NREP: variants seen among roughly 807,000 people sequenced by gnomAD.
The protein encoded by NREP is neuronal regeneration related protein.
Under a neutral mutation model 8.6 loss-of-function variants are expected in NREP, and 5 were observed. The observed-to-expected ratio is 0.58, with a 90% CI of 0.30 to 1.22. NREP has a LOEUF of 1.22. Among genes scored for constraint, NREP ranks in the 50% most tolerant of loss-of-function variants. The pLI, the probability that NREP is intolerant of heterozygous loss-of-function variation, is 0.07. For missense variants in NREP, 86 were observed against 82.5 expected, an observed-to-expected ratio of 1.04 and a Z score of -0.17; for synonymous variants, 27 against 28.0, an observed-to-expected ratio of 0.96 and a Z score of 0.11.
chr5:111,871,182 G>A (rs1310235282), intron 2 of NREP, among the ~76,000 whole-genome samples: 3 of 151,716 alleles, frequency 2.0e-5, no homozygotes, highest in African/African-American at 2.4e-5. Flanking sequence ...CATACACATA[G>A]TATATAGCCC....
At chr5:111,968,350 C>T (rs934833266) in intron 2 of NREP, among the ~76,000 whole-genome samples, 9 of 152,134 alleles carry the variant, frequency 5.9e-5, no homozygotes, top group African/African-American at 2.2e-4. Flanking sequence ...AATTACTCCC[C>T]TATTTCAGAT....
intron 2 of NREP, among the ~76,000 whole-genome samples, chr5:111,881,662 T>C (rs1435086046): frequency 6.6e-6 from 1 of 152,138 alleles, no homozygotes. Flanking sequence ...ACAGCAGCAT[T>C]TGCGGTCCAT....
intron 2 of NREP, among the ~76,000 whole-genome samples, chr5:111,744,805 G>A (rs1749899887): frequency 1.3e-5 from 2 of 152,100 alleles, no homozygotes; most frequent in Admixed American, 1.3e-4. Flanking sequence ...CCTAGAAAAA[G>A]AATCATCGGT....
intron 2 of NREP, among the ~76,000 whole-genome samples, chr5:111,867,964 G>A (rs949069555): frequency 6.6e-6 from 1 of 151,638 alleles, no homozygotes; most frequent in Non-Finnish European, 1.5e-5. Flanking sequence ...AAGAATCCCC[G>A]TACCTGTTAA....
chr5:111,970,844 A>G (rs1203569145), intron 2 of NREP, among the ~76,000 whole-genome samples: 7 of 151,202 alleles, frequency 4.6e-5, no homozygotes, highest in African/African-American at 1.7e-4. Flanking sequence ...AAAAAAAAAA[A>G]AAAAAGAAAG....
At chr5:111,848,872 T>C (rs548518798) in intron 2 of NREP, among the ~76,000 whole-genome samples, 1 of 152,268 alleles carries the variant, frequency 6.6e-6, no homozygotes, top group East Asian at 1.9e-4. Context: ...CAGCAGTGAA[T>C]GGGCAGGAAA....
At chr5:111,845,673 G>A (rs1194194953) in intron 2 of NREP, among the ~76,000 whole-genome samples, 1 of 152,008 alleles carries the variant, frequency 6.6e-6, no homozygotes, top group African/African-American at 2.4e-5. Flanking sequence ...ATGTTGATAA[G>A]CTGTTACATA....
At chr5:111,960,759 G>C (rs1362627564) in intron 2 of NREP, among the ~76,000 whole-genome samples, 8 of 152,232 alleles carry the variant, frequency 5.3e-5, no homozygotes, top group Middle Eastern at 3.4e-3. Flanking sequence ...CTAAACTTAA[G>C]TTTACAGTCT....
intron 2 of NREP, among the ~76,000 whole-genome samples, chr5:111,958,700 C>T (rs981777954): frequency 2.0e-5 from 3 of 151,794 alleles, no homozygotes; most frequent in African/African-American, 7.3e-5. Context: ...TAAGATTCAA[C>T]ATTTAAAAAA....
chr5:111,944,006 A>C (rs1427600442), intron 2 of NREP, among the ~76,000 whole-genome samples: 1 of 152,080 alleles, frequency 6.6e-6, no homozygotes, highest in Non-Finnish European at 1.5e-5. Flanking sequence ...GAGCTGATGA[A>C]TATTCAAATT....
chr5:111,778,482 C>T (rs1751414710), intron 2 of NREP, among the ~76,000 whole-genome samples: 2 of 152,066 alleles, frequency 1.3e-5, no homozygotes, highest in African/African-American at 4.8e-5. Context: ...TCCTTTTTGT[C>T]TATTTCATGG....
upstream of NREP, among the ~76,000 whole-genome samples, chr5:111,759,157 T>C (rs1044308144): frequency 6.6e-6 from 1 of 152,166 alleles, no homozygotes; most frequent in Admixed American, 6.5e-5. Context: ...TCTGCAAGTC[T>C]GGAACCCCAA....
chr5:111,807,128 C>CA (rs376335232), intron 2 of NREP, among the ~76,000 whole-genome samples: 2,734 of 147,752 alleles, frequency 0.019, 43 homozygotes, highest in African/African-American at 0.042. Context: ...AACAAAAAAA[C>CA]AAAAAAAAAA....
At chr5:111,926,489 C>T (rs1755389436) in intron 2 of NREP, among the ~76,000 whole-genome samples, 1 of 152,106 alleles carries the variant, frequency 6.6e-6, no homozygotes, top group Admixed American at 6.5e-5. Flanking sequence ...ACCATTTGCC[C>T]TTCCATCTAC....
In NREP at chr5:111,904,885, G is replaced by C. The variant is rs1359476988; in HGVS notation, c.135+70389C>G. ...TTCACGAGACAGTATCTGTCTCTCA[G>C]GCTCATTCAGCTCTCAAAGAGAACC... On this transcript the variant is annotated intron_variant, in intron 2 of 3. Transcript: ENST00000395634. 2.6e-5 allele frequency among the ~76,000 whole-genome samples: 4 copies of C among 152,026 alleles called. No homozygotes were observed. In the East Asian group the frequency reaches 5.8e-4, roughly 22 times the overall value.
At chr5:111,952,559 G>A (rs1350021162) in intron 2 of NREP, among the ~76,000 whole-genome samples, 1 of 152,236 alleles carries the variant, frequency 6.6e-6, no homozygotes, top group Middle Eastern at 3.4e-3. Flanking sequence ...ATGAGGCAAG[G>A]ACGTAGCTGG....
Position 111,955,194 on chromosome 5 carries a change from T to G in NREP, c.135+20080A>C, listed in dbSNP as rs114739982. Among the ~76,000 whole-genome samples the G allele has an allele frequency of 9.1e-3, 1,392 of 152,278 alleles. 24 individuals are homozygous for G. Among genetic ancestry groups the G allele is most frequent in the African/African-American group, 0.032 (1,321 of 41,572 alleles). ...ATGGTGAGAGCCAGCTCTCAGAGTTTCCTTCTCTCAGCCAGCATTTGTTGA... is the reference window on the plus strand; with the variant it reads ...ATGGTGAGAGCCAGCTCTCAGAGTTGCCTTCTCTCAGCCAGCATTTGTTGA... On this transcript the variant is annotated intron_variant, in intron 2 of 3. Transcript: ENST00000395634.
intron 2 of NREP, among the ~76,000 whole-genome samples, chr5:111,891,316 G>T (rs1022760816): frequency 1.3e-5 from 2 of 152,164 alleles, no homozygotes; most frequent in African/African-American, 4.8e-5. Flanking sequence ...TTCCATCTGA[G>T]ATTTCATCAA....
chr5:111,910,802 G>A (rs951609676), intron 2 of NREP, among the ~76,000 whole-genome samples: 16 of 152,018 alleles, frequency 1.1e-4, no homozygotes, highest in African/African-American at 3.1e-4. Context: ...AGCCAGAAGC[G>A]AGAGTTTGCT....
Sources: gnomAD v4.1 joint callset for allele counts (sites outside exome capture counted in the v4.1 genomes callset) on GRCh38, gnomAD v4.1.1 for gene constraint, MANE v1.5 for transcripts, NCBI Gene and HGNC (gene_info 2026-07-23, HGNC 2026-07-21) for gene names.